Variants in ECSIT observed in about 807,000 individuals in gnomAD.
The protein encoded by ECSIT is ECSIT signaling integrator.
In ECSIT, 29 loss-of-function variants were observed where a neutral mutation model predicts 36.8. That is an observed-to-expected ratio of 0.79 (90% CI 0.59 to 1.08). The LOEUF is 1.08. Ranked by LOEUF, ECSIT falls within the 50% of genes least tolerant of loss-of-function variation. ECSIT has a pLI of 0.00. For synonymous variants in ECSIT, 231 were observed against 234.8 expected (o/e 0.98, Z 0.15); for missense variants, 542 against 581.0 (o/e 0.93, Z 0.69).
chr19:11,506,491 T>C, intron 7 of ECSIT, 63 bp from the exon 8 acceptor site: 1 of 1,493,240 alleles, frequency 6.7e-7, no homozygotes, highest in Non-Finnish European at 9.0e-7. Flanking sequence ...AACCCATGCC[T>C]ACACCTTTTT....
Position 11,506,377 on chromosome 19 carries a change from G to A in ECSIT, c.1103C>T (p.Ala368Val). Residue 368 changes from alanine to valine, a missense_variant, in exon 8 of 8, where the codon GCG (alanine) becomes GTG (valine). Physicochemically the swap from Ala to Val is moderately conservative, Grantham distance 64. Coordinates refer to ENST00000270517, the MANE Select transcript of ECSIT (RefSeq NM_016581.5). ...GCCCTGGATCCACTTAGCCATCGTCGCCTGGTCATGAGCACCCGCCATGCA... is the reference window on the plus strand; with the variant it reads ...GCCCTGGATCCACTTAGCCATCGTCACCTGGTCATGAGCACCCGCCATGCA... Reference protein sequence around the residue: ...AMCMAGAHDQATMAKWIQGLQ... With the variant: ...AMCMAGAHDQVTMAKWIQGLQ... 6.2e-7 allele frequency: 1 copy of A among 1,613,628 alleles called. No homozygotes were observed. The highest frequency in any genetic ancestry group is 8.5e-7 in the Non-Finnish European group (1 of 1,179,922).
chr19:11,518,943 A>C (rs1972049202), intron 2 of ECSIT, 132 bp downstream of exon 2: 3 of 749,722 alleles, frequency 4.0e-6, no homozygotes, highest in East Asian at 2.7e-5. Context: ...AAGGACTTTT[A>C]ATGGGACCTC....
In ECSIT at chr19:11,514,207, G is replaced by A. The variant is rs751307904; in HGVS notation, c.111C>T (p.Leu37=). 8.1e-6 allele frequency: 13 copies of A among 1,604,482 alleles called. No homozygotes were observed. In the Admixed American group the frequency reaches 1.7e-4, roughly 21 times the overall value. ...CTGCGCTGCAGTGGAGGCCCCGAGG[G>A]AGCCGGCGAGGGACCTGGGGAGGGA... ...GTSISQVPRR[L]PRGLHCSAAA... is the part of the protein sequence containing the mutation. The change falls in exon 3 of 8, where the codon CTC becomes CTT. Residue 37 remains leucine, a synonymous_variant. Coordinates refer to ENST00000270517, the MANE Select transcript of ECSIT (RefSeq NM_016581.5).
In ECSIT at chr19:11,507,439, A is replaced by G. The variant is rs577799667; in HGVS notation, c.1051+18T>C. ...TACGAGCACACATGTGAGCCACCGCACCTGGCCCAGTTTTTACCTTCATTG... is the reference window on the plus strand; with the variant it reads ...TACGAGCACACATGTGAGCCACCGCGCCTGGCCCAGTTTTTACCTTCATTG... On this transcript the variant is annotated intron_variant, in intron 7 of 7. Transcript: ENST00000270517. 1 of 1,605,512 alleles carries G rather than the reference A, an allele frequency of 6.2e-7. No homozygotes were observed. The highest frequency in any genetic ancestry group is 1.7e-5 in the Admixed American group (1 of 59,946).
Position 11,505,967 on chromosome 19 carries a change from AATTCGG to A in ECSIT, c.*211_*216del. On this transcript the variant is annotated 3_prime_UTR_variant, in exon 8 of 8. Transcript: ENST00000270517. ...CAGCGCTCCCGCCCCTTTTTATTTGAATTCGGAGAACCAGAGGCGCCTGCAGATTCT... is the reference window on the plus strand; with the variant it reads ...CAGCGCTCCCGCCCCTTTTTATTTGAAGAACCAGAGGCGCCTGCAGATTCT... 1 of 949,546 alleles carries A rather than the reference AATTCGG, an allele frequency of 1.1e-6. No individual in the cohort carries two copies. The highest frequency in any genetic ancestry group is 1.5e-6 in the Non-Finnish European group (1 of 657,514). 58.8% of individuals were successfully genotyped at this position (949,546 alleles called of 1,614,324 possible). A position where few individuals can be genotyped will look rare whatever the true frequency, so the allele number is the denominator to read the frequency against.
chr19:11,517,829 A>G (rs921503881), intron 2 of ECSIT, among the ~76,000 whole-genome samples: 45 of 152,262 alleles, frequency 3.0e-4, no homozygotes, highest in African/African-American at 6.7e-4. Flanking sequence ...ATGGCTGTCA[A>G]TCTGCTTTCG....
At chr19:11,517,280 T>TAA (rs36093578) in intron 2 of ECSIT, among the ~76,000 whole-genome samples, 13 of 142,908 alleles carry the variant, frequency 9.1e-5, no homozygotes, top group African/African-American at 2.3e-4. Flanking sequence ...AAGGCAATGT[T>TAA]AAAAAAAAAA....
In ECSIT at chr19:11,517,617, T is replaced by A. The variant is rs977596627; in HGVS notation, c.96+1458A>T. 3.3e-5 allele frequency among the ~76,000 whole-genome samples: 5 copies of A among 151,810 alleles called. No homozygotes were observed. In the South Asian group the frequency reaches 6.3e-4, roughly 19 times the overall value. ...TCTCAAAAACAAAAAACAACTGAAATTTCAGTCAATTAATAATATAGGTGG... is the reference window on the plus strand; with the variant it reads ...TCTCAAAAACAAAAAACAACTGAAAATTCAGTCAATTAATAATATAGGTGG... On this transcript the variant is annotated intron_variant, in intron 2 of 7. Transcript: ENST00000270517.
chr19:11,527,673 C>T (rs1027518424), intron 1 of ECSIT, among the ~76,000 whole-genome samples: 1 of 152,040 alleles, frequency 6.6e-6, no homozygotes. Flanking sequence ...GCCTGGGCAA[C>T]ATACTGAGAT....
intron 2 of ECSIT, among the ~76,000 whole-genome samples, chr19:11,515,351 C>T (rs1971974687): frequency 6.6e-6 from 1 of 152,128 alleles, no homozygotes; most frequent in Non-Finnish European, 1.5e-5. Context: ...GATCCGCCCG[C>T]CTTGGCCTCC....
At chr19:11,517,931 C>T (rs1972029030) in intron 2 of ECSIT, among the ~76,000 whole-genome samples, 1 of 151,964 alleles carries the variant, frequency 6.6e-6, no homozygotes, top group Non-Finnish European at 1.5e-5. Flanking sequence ...AGTCACCACA[C>T]AAATCCACCG....
intron 4 of ECSIT, among the ~76,000 whole-genome samples, chr19:11,508,651 C>T (rs747441680): frequency 6.6e-6 from 1 of 152,046 alleles, no homozygotes; most frequent in Non-Finnish European, 1.5e-5. Flanking sequence ...CTCCTGGGTT[C>T]AAGCGATTCT....
chr19:11,508,001 G>C lies in ECSIT; in HGVS notation c.786C>G (p.Pro262=). ...DSTGAADPPQ[P]HIVGIQSPDQ... is the part of the protein sequence containing the mutation. Reference sequence around the variant, plus strand: ...TGCTCTCGGACTTACCTACGATGTGGGGCTGGGGGGGATCTGCTGCACCTG... The same window carrying C: ...TGCTCTCGGACTTACCTACGATGTGCGGCTGGGGGGGATCTGCTGCACCTG... The change falls in exon 5 of 8, where the codon CCC becomes CCG. Residue 262 remains proline, a synonymous_variant. Transcript: ENST00000270517. 2 of 1,614,174 alleles carry C rather than the reference G, an allele frequency of 1.2e-6. No homozygotes were observed. The highest frequency in any genetic ancestry group is 1.3e-5 in the African/African-American group (1 of 75,032).
In ECSIT at chr19:11,522,391, G is replaced by A. The variant is rs10407058; in HGVS notation, c.-23-3198C>T. ...AGCCAGCAAGTCCCACCGGCTGGCC[G>A]TCAAGCAGTTCCAAGACTCCAAGAT... On this transcript the variant is annotated intron_variant, in intron 1 of 7. Coordinates refer to ENST00000270517, the MANE Select transcript of ECSIT (RefSeq NM_016581.5). 3,383 of 1,024,620 alleles carry A rather than the reference G, an allele frequency of 3.3e-3. 58 individuals are homozygous for A. The African/African-American group carries it at 0.04, about 12-fold the overall frequency. 63.5% of individuals were successfully genotyped at this position (1,024,620 alleles called of 1,614,324 possible).
At chr19:11,512,018 G>A (rs145961795) in intron 4 of ECSIT, among the ~76,000 whole-genome samples, 4,850 of 149,210 alleles carry the variant, frequency 0.033, 114 homozygotes, top group East Asian at 0.077. Flanking sequence ...GCGACAGAGC[G>A]AGACTCCATC....
intron 1 of ECSIT, among the ~76,000 whole-genome samples, chr19:11,524,665 GA>G (rs900639256): frequency 3.3e-5 from 5 of 150,292 alleles, no homozygotes; most frequent in African/African-American, 4.9e-5. Context: ...AAAAAAGAAA[GA>G]AAAAAAATAC....
intron 1 of ECSIT, among the ~76,000 whole-genome samples, chr19:11,520,461 C>T (rs1972080342): frequency 1.3e-5 from 2 of 152,006 alleles, no homozygotes; most frequent in African/African-American, 2.4e-5. Context: ...CGTGAGCCAC[C>T]GCACCTGGCC....
intron 4 of ECSIT, chr19:11,510,664 G>C (rs1433929097): frequency 6.6e-6 from 1 of 152,138 alleles, no homozygotes; most frequent in Non-Finnish European, 1.5e-5. Flanking sequence ...ACGGGGCCTG[G>C]GTAGAAGCAG....
intron 4 of ECSIT, among the ~76,000 whole-genome samples, chr19:11,509,778 C>CA (rs1971833751): frequency 2.0e-5 from 3 of 151,452 alleles, no homozygotes; most frequent in African/African-American, 7.3e-5. Flanking sequence ...AAAAAAACAA[C>CA]AAAAAAATTT....
Sources: allele counts gnomAD v4.1 joint callset (sites outside exome capture counted in the v4.1 genomes callset), GRCh38; gene constraint gnomAD v4.1.1; transcripts MANE v1.5; gene names NCBI Gene and HGNC (gene_info 2026-07-23, HGNC 2026-07-21).